Variants in PCBP3 observed in about 807,000 individuals in gnomAD.
PCBP3 encodes poly(rC)-binding protein 3.
A neutral mutation model predicts 52.7 loss-of-function variants in PCBP3; 25 were observed. The observed-to-expected ratio is 0.47, with a 90% CI of 0.35 to 0.66. The LOEUF is 0.66. PCBP3 is among the 30% of genes least tolerant of loss of function. PCBP3 has a pLI of 0.01. For synonymous variants in PCBP3, 162 were observed against 183.0 expected (o/e 0.89, Z 0.93); for missense variants, 391 against 490.3 (o/e 0.80, Z 1.91).
chr21:45,834,102 C>A (rs1191658124), intron 4 of PCBP3, among the ~76,000 whole-genome samples: 1 of 152,038 alleles, frequency 6.6e-6, no homozygotes, highest in South Asian at 2.1e-4. Context: ...CCAGCACCCC[C>A]ACAGGCTGAG....
chr21:45,903,105 T>C (rs1317242002), intron 9 of PCBP3, among the ~76,000 whole-genome samples: 1 of 152,150 alleles, frequency 6.6e-6, no homozygotes, highest in South Asian at 2.1e-4. Context: ...GTCTGAGGTA[T>C]TCATCTGAGG....
chr21:45,926,814 G>A (rs868541264), intron 13 of PCBP3, among the ~76,000 whole-genome samples: 13 of 152,202 alleles, frequency 8.5e-5, no homozygotes, highest in Admixed American at 5.9e-4. Flanking sequence ...ATCAGGGGAC[G>A]ATTTCTTAAA....
At chr21:45,932,242 T>A (rs1334720841) in intron 15 of PCBP3, among the ~76,000 whole-genome samples, 910 of 79,062 alleles carry the variant, frequency 0.012, no homozygotes, top group Middle Eastern at 0.086. Context: ...CACCTGGGCC[T>A]TGCCGTCCTG....
At chr21:45,892,128 C>G (rs886354041) in intron 5 of PCBP3, among the ~76,000 whole-genome samples, 1 of 152,116 alleles carries the variant, frequency 6.6e-6, no homozygotes, top group East Asian at 1.9e-4. Flanking sequence ...CAGGCAGAGG[C>G]GGAGGCTTTT....
chr21:45,679,223 C>T (rs1034950955), intron 2 of PCBP3, among the ~76,000 whole-genome samples: 5 of 151,678 alleles, frequency 3.3e-5, no homozygotes, highest in African/African-American at 1.2e-4. Flanking sequence ...TGGGTTCAAG[C>T]GATTGTCCTG....
intron 4 of PCBP3, among the ~76,000 whole-genome samples, chr21:45,801,187 C>A (rs1287815398): frequency 1.3e-5 from 2 of 152,234 alleles, no homozygotes; most frequent in African/African-American, 4.8e-5. Flanking sequence ...CATCCACTTC[C>A]CTGTGTGGAT....
chr21:45,658,387 T>C (rs1436774463), intron 1 of PCBP3, among the ~76,000 whole-genome samples: 1 of 152,190 alleles, frequency 6.6e-6, no homozygotes, highest in Non-Finnish European at 1.5e-5. Flanking sequence ...CACTGCAGCC[T>C]CTGCCTCCTG....
intron 1 of PCBP3, among the ~76,000 whole-genome samples, chr21:45,657,414 C>T (rs2080090356): frequency 6.6e-6 from 1 of 152,146 alleles, no homozygotes; most frequent in African/African-American, 2.4e-5. Context: ...CAAAAGACTA[C>T]CTATTGAATG....
intron 2 of PCBP3, among the ~76,000 whole-genome samples, chr21:45,676,735 G>A (rs1476062110): frequency 6.6e-6 from 1 of 151,836 alleles, no homozygotes; most frequent in African/African-American, 2.4e-5. Flanking sequence ...TACATGTTCA[G>A]GTGAAAGGAA....
intron 5 of PCBP3, among the ~76,000 whole-genome samples, chr21:45,851,250 C>T (rs1482761082): frequency 6.6e-6 from 1 of 152,218 alleles, no homozygotes; most frequent in Non-Finnish European, 1.5e-5. Context: ...CGTGGTGGCT[C>T]ACGCCTGTAA....
At chr21:45,885,263 A>G (rs2330327) in intron 5 of PCBP3, among the ~76,000 whole-genome samples, 116,800 of 152,008 alleles carry the variant, frequency 0.77, 45,345 homozygotes, top group East Asian at 1. Context: ...CACGCCATCC[A>G]TTGTCTCCCT....
chr21:45,939,893 G>A (rs559394181), intron 16 of PCBP3, 137 bp from the exon 17 acceptor site: 14 of 731,860 alleles, frequency 1.9e-5, no homozygotes, highest in South Asian at 3.7e-5. Context: ...GGGCCTCTCC[G>A]GGGTGTTGAG....
At chr21:45,688,865 T>TA (rs201026747) in intron 2 of PCBP3, among the ~76,000 whole-genome samples, 37 of 146,422 alleles carry the variant, frequency 2.5e-4, no homozygotes, top group Middle Eastern at 3.4e-3. Flanking sequence ...TTCAGTACCT[T>TA]AAAAAAAAAA....
intron 3 of PCBP3, among the ~76,000 whole-genome samples, chr21:45,746,711 G>A (rs1345733252): frequency 1.7e-5 from 1 of 58,964 alleles, no homozygotes; most frequent in Non-Finnish European, 3.5e-5. Context: ...CTGACGTAGC[G>A]CACACGGTGT....
intron 4 of PCBP3, among the ~76,000 whole-genome samples, chr21:45,820,484 G>T (rs1228235676): frequency 6.6e-6 from 1 of 152,232 alleles, no homozygotes; most frequent in Non-Finnish European, 1.5e-5. Flanking sequence ...CCCAGGTCAG[G>T]ATAGGACAGG....
At chr21:45,877,137 G>A (rs138831678) in intron 5 of PCBP3, among the ~76,000 whole-genome samples, 10 of 152,308 alleles carry the variant, frequency 6.6e-5, no homozygotes, top group Non-Finnish European at 1.3e-4. Flanking sequence ...TCTTCCTTTC[G>A]GGTCTGACGG....
chr21:45,803,001 T>C (rs1317384235), intron 4 of PCBP3, among the ~76,000 whole-genome samples: 1 of 152,272 alleles, frequency 6.6e-6, no homozygotes, highest in Non-Finnish European at 1.5e-5. Flanking sequence ...CCGTCTGCAT[T>C]GTACAGTCAT....
intron 4 of PCBP3, among the ~76,000 whole-genome samples, chr21:45,846,570 C>T (rs1169637196): frequency 2.0e-5 from 3 of 152,190 alleles, no homozygotes; most frequent in Admixed American, 2.0e-4. Flanking sequence ...TTTTTGACCC[C>T]TTACCTTGCC....
intron 5 of PCBP3, among the ~76,000 whole-genome samples, chr21:45,890,046 C>T (rs1302681289): frequency 6.6e-6 from 1 of 152,252 alleles, no homozygotes; most frequent in African/African-American, 2.4e-5. Flanking sequence ...TGGCCCATGC[C>T]AGGGGCTGGG....
Sources: allele counts gnomAD v4.1 joint callset (sites outside exome capture counted in the v4.1 genomes callset), GRCh38; gene constraint gnomAD v4.1.1; transcripts MANE v1.5; gene names NCBI Gene and HGNC (gene_info 2026-07-23, HGNC 2026-07-21).